Variants in RAPGEF2 observed in about 807,000 individuals in gnomAD.
RAPGEF2 encodes PDZ domain containing guanine nucleotide exchange factor (GEF) 1.
In RAPGEF2, 54 loss-of-function variants were observed where a neutral mutation model predicts 186.7. The observed-to-expected ratio is 0.29, with a 90% confidence interval of 0.23 to 0.36. RAPGEF2 has a LOEUF of 0.36. Among genes scored for constraint, RAPGEF2 ranks in the 10% least tolerant of loss-of-function variants. The pLI, the probability that RAPGEF2 is intolerant of heterozygous loss-of-function variation, is 1.00. For missense variants in RAPGEF2, 1,532 were observed against 2,045.0 expected (o/e 0.75, Z 4.84); for synonymous variants, 712 against 705.9 (o/e 1.01, Z -0.14).
chr4:159,210,682 G>C, intron 4 of RAPGEF2, 99 bp downstream of exon 4: 1 of 880,386 alleles, frequency 1.1e-6, no homozygotes. Context: ...GTTCTCTTCT[G>C]CTGATACAAA....
intron 1 of RAPGEF2, among the ~76,000 whole-genome samples, chr4:159,114,475 G>T (rs1017993266): frequency 6.6e-6 from 1 of 152,062 alleles, no homozygotes; most frequent in Non-Finnish European, 1.5e-5. Flanking sequence ...GGGCTCAAGC[G>T]ATCTTCTCCT....
At chr4:159,214,515 C>G (rs1275980408) in intron 4 of RAPGEF2, among the ~76,000 whole-genome samples, 1 of 152,026 alleles carries the variant, frequency 6.6e-6, no homozygotes, top group African/African-American at 2.4e-5. Context: ...CCCTAATTAC[C>G]CTAAATCAGT....
intron 28 of RAPGEF2, among the ~76,000 whole-genome samples, 175 bp from the exon 29 acceptor site, chr4:159,355,678 G>C (rs1416738377): frequency 6.6e-6 from 1 of 152,152 alleles, no homozygotes; most frequent in Non-Finnish European, 1.5e-5. Context: ...TGTGAAATTT[G>C]GTTTAGTTAA....
intron 7 of RAPGEF2, among the ~76,000 whole-genome samples, chr4:159,263,130 G>A (rs1283107810): frequency 1.3e-5 from 2 of 152,126 alleles, no homozygotes; most frequent in African/African-American, 4.8e-5. Context: ...TGACTGCTTT[G>A]GGTGGGGTGT....
chr4:159,233,054 T>C (rs1041481891), intron 4 of RAPGEF2, among the ~76,000 whole-genome samples: 4 of 152,234 alleles, frequency 2.6e-5, no homozygotes, highest in Admixed American at 6.5e-5. Context: ...ATTTTGAATA[T>C]TGAATCTTTA....
At chr4:159,147,407 G>T (rs1043613040) in intron 1 of RAPGEF2, among the ~76,000 whole-genome samples, 4 of 151,020 alleles carry the variant, frequency 2.6e-5, no homozygotes, top group African/African-American at 7.3e-5. Flanking sequence ...GGAAAAGTTC[G>T]TAGAAAAAAG....
At chr4:159,355,407 C>T (rs1731823051) in intron 28 of RAPGEF2, among the ~76,000 whole-genome samples, 1 of 152,038 alleles carries the variant, frequency 6.6e-6, no homozygotes, top group Non-Finnish European at 1.5e-5. Flanking sequence ...GATAAATGCC[C>T]AGAAAGAGGG....
chr4:159,261,841 A>G (rs1271361695), intron 7 of RAPGEF2, among the ~76,000 whole-genome samples: 1 of 152,036 alleles, frequency 6.6e-6, no homozygotes, highest in African/African-American at 2.4e-5. Flanking sequence ...CCTCCCACTC[A>G]CCTATGAATT....
chr4:159,242,156 C>G (rs1466985862), intron 6 of RAPGEF2, among the ~76,000 whole-genome samples: 1 of 150,938 alleles, frequency 6.6e-6, no homozygotes, highest in Non-Finnish European at 1.5e-5. Flanking sequence ...CCTTTTTTTT[C>G]TTATTCCTTT....
At chr4:159,261,262 C>T (rs1756824001) in intron 7 of RAPGEF2, among the ~76,000 whole-genome samples, 1 of 151,436 alleles carries the variant, frequency 6.6e-6, no homozygotes, top group African/African-American at 2.4e-5. Flanking sequence ...TGGGGTTTCA[C>T]TGTGTTAGCC....
chr4:159,140,825 AAAAAAAAAAAAAT>A (rs1742239493), intron 1 of RAPGEF2, among the ~76,000 whole-genome samples: 1 of 26,230 alleles, frequency 3.8e-5, no homozygotes, highest in African/African-American at 1.7e-4. Context: ...TTTTTTCTGG[AAAAAAAAAAAAAT>A]TTTTTTTTTT....
At chr4:159,304,050 G>A (rs1762991725) in intron 7 of RAPGEF2, among the ~76,000 whole-genome samples, 1 of 152,026 alleles carries the variant, frequency 6.6e-6, no homozygotes, top group South Asian at 2.1e-4. Flanking sequence ...CGTGTGATTG[G>A]AAAATTTTAG....
rs574663185 is a variant in RAPGEF2 at position 159,138,844 on chromosome 4, A to G, written c.69+34613A>G. On this transcript the variant is annotated intron_variant, in intron 1 of 29. Coordinates refer to ENST00000691494, the MANE Select transcript of RAPGEF2 (RefSeq NM_001394067.2). ...CAAAAATTACAGAGCAAGGATACCAATCATGTACTCCTAAATTATAGTTTA... is the reference window on the plus strand; with the variant it reads ...CAAAAATTACAGAGCAAGGATACCAGTCATGTACTCCTAAATTATAGTTTA... Among the ~76,000 whole-genome samples the G allele has an allele frequency of 5.3e-5, 8 of 152,316 alleles. No individual in the cohort carries two copies. The East Asian group carries it at 7.7e-4, about 15-fold the overall frequency.
At chr4:159,276,442 A>G (rs1032048016) in intron 7 of RAPGEF2, among the ~76,000 whole-genome samples, 16 of 152,360 alleles carry the variant, frequency 1.1e-4, no homozygotes, top group Non-Finnish European at 2.2e-4. Flanking sequence ...GATAACATTT[A>G]CCTAAATATA....
At position 159,295,720 on chromosome 4, in the gene RAPGEF2, A is replaced by AGTGTGTGT. The variant is rs71589223; in HGVS notation, c.544-8594_544-8587dup. ...TAGCATAAGAGAGAGAGAGTGTGTG[A>AGTGTGTGT]GTGTGTGTGTGTGTGTGTGTGTGTG... On this transcript the variant is annotated intron_variant, in intron 7 of 29. Coordinates refer to ENST00000691494, the MANE Select transcript of RAPGEF2 (RefSeq NM_001394067.2). 5.3e-3 allele frequency among the ~76,000 whole-genome samples: 711 copies of AGTGTGTGT among 134,684 alleles called. 1 individual carries two copies. The highest frequency in any genetic ancestry group is 0.016 in the Middle Eastern group (4 of 244). The allele number at this position is 134,684 out of a possible 152,430, so 88.4% of individuals were successfully genotyped here. A position where few individuals can be genotyped will look rare whatever the true frequency, so the allele number is the denominator to read the frequency against.
At chr4:159,235,145 C>CTGTG (rs1348452149) in intron 4 of RAPGEF2, among the ~76,000 whole-genome samples, 4 of 152,162 alleles carry the variant, frequency 2.6e-5, no homozygotes, top group Non-Finnish European at 4.4e-5. Flanking sequence ...CTTTTCAGTT[C>CTGTG]TGTGTTTTTC....
intron 7 of RAPGEF2, among the ~76,000 whole-genome samples, chr4:159,260,060 C>T (rs1756627399): frequency 6.6e-6 from 1 of 152,014 alleles, no homozygotes; most frequent in Non-Finnish European, 1.5e-5. Context: ...TGCAGTGGTG[C>T]AGTCACGGGT....
At chr4:159,330,629 A>G in intron 13 of RAPGEF2, 131 bp downstream of exon 13, 1 of 595,106 alleles carries the variant, frequency 1.7e-6, no homozygotes, top group Non-Finnish European at 2.7e-6. Flanking sequence ...TCTGAAGCAA[A>G]AAAAAACAAA....
chr4:159,252,522 A>T (rs1426706122), intron 7 of RAPGEF2, among the ~76,000 whole-genome samples: 1 of 152,210 alleles, frequency 6.6e-6, no homozygotes, highest in East Asian at 1.9e-4. Context: ...GATATTCTTG[A>T]TGTCATTTAC....
Sources: allele counts gnomAD v4.1 joint callset (sites outside exome capture counted in the v4.1 genomes callset), GRCh38; gene constraint gnomAD v4.1.1; transcripts MANE v1.5; gene names NCBI Gene and HGNC (gene_info 2026-07-23, HGNC 2026-07-21).